The following CTNNA2 variants were observed in gnomAD, a reference collection of about 807,000 sequenced individuals.
CTNNA2 encodes the protein catenin alpha 2.
Under a neutral mutation model 101.0 loss-of-function variants are expected in CTNNA2, and 42 were observed. The observed-to-expected ratio is 0.42, with a 90% CI of 0.32 to 0.54. The LOEUF is 0.54. Ranked by LOEUF, CTNNA2 falls within the 20% of genes least tolerant of loss-of-function variation. The pLI is 0.14. For missense variants in CTNNA2, 871 were observed against 1,223.1 expected (o/e 0.71, Z 4.29); for synonymous variants, 450 against 456.4 (o/e 0.99, Z 0.18).
chr2:79,742,200 A>G (rs1345325721), intron 2 of CTNNA2, among the ~76,000 whole-genome samples: 2 of 152,232 alleles, frequency 1.3e-5, no homozygotes, highest in Non-Finnish European at 2.9e-5. Context: ...ACAGAAGGCT[A>G]GAAATGTGTC....
intron 2 of CTNNA2, among the ~76,000 whole-genome samples, chr2:79,237,179 T>C (rs866235114): frequency 4.6e-5 from 7 of 152,340 alleles, no homozygotes; most frequent in Middle Eastern, 6.8e-3. Flanking sequence ...AGAATGGATG[T>C]TGTGTTAGAA....
chr2:79,495,233 A>T (rs528138214), intron 4 of CTNNA2, among the ~76,000 whole-genome samples: 1 of 152,252 alleles, frequency 6.6e-6, no homozygotes, highest in African/African-American at 2.4e-5. Flanking sequence ...CTGATACAGA[A>T]TTATATACAG....
intron 9 of CTNNA2, among the ~76,000 whole-genome samples, chr2:80,522,454 G>A (rs1016745573): frequency 4.6e-5 from 7 of 152,172 alleles, no homozygotes; most frequent in Admixed American, 1.3e-4. Flanking sequence ...AACTGTGACC[G>A]TTGCATTGAA....
In CTNNA2 at chr2:80,158,826, G is replaced by A. The variant is rs188208084; in HGVS notation, c.1057-234385G>A. Among the ~76,000 whole-genome samples, 47 of 152,110 alleles carry A rather than the reference G, an allele frequency of 3.1e-4. No individual in the cohort carries two copies. In the East Asian group the frequency reaches 7.7e-3, roughly 25 times the overall value. ...CTTGAGAGGTTAAGGCAGGAGAATG[G>A]CGTGAACCTGGAAGGCAGAGCTTGC... is the stretch of plus-strand genomic sequence containing the variant. On this transcript the variant is annotated intron_variant, in intron 7 of 18. Transcript: ENST00000402739.
intron 2 of CTNNA2, among the ~76,000 whole-genome samples, chr2:79,216,028 G>A (rs1285653708): frequency 6.6e-6 from 1 of 152,068 alleles, no homozygotes; most frequent in Non-Finnish European, 1.5e-5. Context: ...AGAGACCAGG[G>A]AGGGACTGAT....
intron 7 of CTNNA2, among the ~76,000 whole-genome samples, chr2:79,970,053 C>T (rs72920865): frequency 0.048 from 7,307 of 152,182 alleles, 504 homozygotes; most frequent in African/African-American, 0.15. Flanking sequence ...AGGTTTAGAT[C>T]CTTACAGTAA....
At chr2:80,383,345 T>C (rs1222407263) in intron 7 of CTNNA2, among the ~76,000 whole-genome samples, 2 of 152,190 alleles carry the variant, frequency 1.3e-5, no homozygotes, top group Non-Finnish European at 2.9e-5. Context: ...GGTGCCTACT[T>C]GGACCATCCA....
At chr2:79,922,199 C>T (rs935920095) in intron 7 of CTNNA2, among the ~76,000 whole-genome samples, 2 of 152,096 alleles carry the variant, frequency 1.3e-5, no homozygotes, top group South Asian at 2.1e-4. Flanking sequence ...TACTCCTTGC[C>T]ATGGAACTAG....
At chr2:79,658,041 T>C (rs973255954) in intron 2 of CTNNA2, among the ~76,000 whole-genome samples, 4 of 151,876 alleles carry the variant, frequency 2.6e-5, no homozygotes, top group African/African-American at 9.7e-5. Flanking sequence ...AAAAATAATT[T>C]TGTATCTATT....
chr2:80,599,045 T>C (rs1231483126), intron 15 of CTNNA2, among the ~76,000 whole-genome samples: 2 of 152,204 alleles, frequency 1.3e-5, no homozygotes, highest in Admixed American at 1.3e-4. Flanking sequence ...GCTATTGTAC[T>C]GCAGTCATAC....
At chr2:79,932,198 C>T (rs1687493407) in intron 7 of CTNNA2, among the ~76,000 whole-genome samples, 1 of 152,124 alleles carries the variant, frequency 6.6e-6, no homozygotes, top group Non-Finnish European at 1.5e-5. Flanking sequence ...GGGACCTGCC[C>T]TTCCTCCCCA....
intron 2 of CTNNA2, among the ~76,000 whole-genome samples, chr2:79,689,670 T>G (rs1462274843): frequency 6.6e-6 from 1 of 152,042 alleles, no homozygotes; most frequent in African/African-American, 2.4e-5. Context: ...ATTAGAATTA[T>G]ATCTACAGGG....
intron 3 of CTNNA2, among the ~76,000 whole-genome samples, chr2:79,346,340 T>G (rs1677264518): frequency 6.6e-6 from 1 of 152,190 alleles, no homozygotes; most frequent in Non-Finnish European, 1.5e-5. Flanking sequence ...GTTGCTATTT[T>G]GTCCTCATTT....
chr2:79,761,200 C>T (rs746097337), intron 3 of CTNNA2, among the ~76,000 whole-genome samples: 2 of 151,928 alleles, frequency 1.3e-5, no homozygotes, highest in Non-Finnish European at 2.9e-5. Flanking sequence ...ATAATTTTTC[C>T]ATTTTCGGCC....
chr2:80,052,564 T>C (rs1421018666), intron 7 of CTNNA2, among the ~76,000 whole-genome samples: 6 of 152,246 alleles, frequency 3.9e-5, no homozygotes. Flanking sequence ...GAAAACTTTC[T>C]ATAAAATGAA....
chr2:80,118,439 C>T (rs1487008918), intron 7 of CTNNA2, among the ~76,000 whole-genome samples: 3 of 152,178 alleles, frequency 2.0e-5, no homozygotes, highest in African/African-American at 4.8e-5. Context: ...ATGAATCAGC[C>T]TTGTATTTAT....
chr2:79,536,574 A>AGTACGTGTGTGTGTGT (rs34403615), intron 1 of CTNNA2, among the ~76,000 whole-genome samples: 8 of 146,714 alleles, frequency 5.5e-5, no homozygotes, highest in Non-Finnish European at 1.2e-4. Context: ...TCTCTAAAGA[A>AGTACGTGTGTGTGTGT]GTGTGTGTGT....
intron 4 of CTNNA2, among the ~76,000 whole-genome samples, chr2:79,405,834 G>A (rs1288127030): frequency 6.6e-6 from 1 of 152,012 alleles, no homozygotes; most frequent in Non-Finnish European, 1.5e-5. Context: ...ATAAATGAGT[G>A]TTGTTTTATG....
intron 1 of CTNNA2, among the ~76,000 whole-genome samples, chr2:79,639,580 C>A (rs992724092): frequency 1.3e-5 from 2 of 150,704 alleles, no homozygotes; most frequent in Non-Finnish European, 3.0e-5. Flanking sequence ...GTTTTTTTTT[C>A]GTTTAAAATT....
Sources: gnomAD v4.1 joint callset for allele counts (sites outside exome capture counted in the v4.1 genomes callset) on GRCh38, gnomAD v4.1.1 for gene constraint, MANE v1.5 for transcripts, NCBI Gene and HGNC (gene_info 2026-07-23, HGNC 2026-07-21) for gene names.